Variants in ESRRG observed in about 807,000 individuals in gnomAD.
ESRRG encodes the protein estrogen-related receptor gamma.
ESRRG carries 13 observed loss-of-function variants against 44.0 expected under a neutral mutation model. The ratio of observed to expected loss-of-function variants is 0.30; its 90% CI spans 0.19 to 0.47. The LOEUF (loss-of-function observed/expected upper bound fraction) is 0.47, where lower values mean the gene tolerates loss of function less well. Among genes scored for constraint, ESRRG ranks in the 20% least tolerant of loss-of-function variants. The probability of loss-of-function intolerance (pLI) is 1.00; values close to 1 mark genes in which losing one functional copy is unlikely to be tolerated. For synonymous variants in ESRRG, 215 were observed against 214.6 expected (o/e 1.00, Z -0.02); for missense variants, 395 against 580.6 (o/e 0.68, Z 3.29).
At chr1:216,557,811 C>T (rs1356217766) in intron 5 of ESRRG, among the ~76,000 whole-genome samples, 1 of 152,148 alleles carries the variant, frequency 6.6e-6, no homozygotes, top group Non-Finnish European at 1.5e-5. Flanking sequence ...ATGTCATGCA[C>T]ATCTTTTAAA....
chr1:217,002,364 G>GAGATTATGC (rs2077157162), intron 1 of ESRRG, among the ~76,000 whole-genome samples: 1 of 150,456 alleles, frequency 6.6e-6, no homozygotes, highest in Non-Finnish European at 1.5e-5. Flanking sequence ...GAAAGAAACA[G>GAGATTATGC]AGATTATGCA....
intron 1 of ESRRG, among the ~76,000 whole-genome samples, chr1:217,070,615 A>G (rs2090433965): frequency 6.6e-6 from 1 of 152,180 alleles, no homozygotes; most frequent in Non-Finnish European, 1.5e-5. Context: ...CCCTGACCTC[A>G]GGTTATCCAC....
chr1:217,063,710 T>C (rs2225967), intron 1 of ESRRG, among the ~76,000 whole-genome samples: 102,194 of 152,070 alleles, frequency 0.67, 34,466 homozygotes, highest in East Asian at 0.78. Flanking sequence ...ACCCAGACAT[T>C]ATCAAACTCT....
intron 2 of ESRRG, among the ~76,000 whole-genome samples, chr1:216,655,452 T>A (rs1322700240): frequency 1.3e-5 from 2 of 152,164 alleles, no homozygotes; most frequent in African/African-American, 4.8e-5. Flanking sequence ...ATGCTTGAAC[T>A]ATGACATGAA....
At chr1:216,965,629 G>T (rs572350699) in intron 1 of ESRRG, among the ~76,000 whole-genome samples, 1 of 152,094 alleles carries the variant, frequency 6.6e-6, no homozygotes, top group Non-Finnish European at 1.5e-5. Context: ...TCCTCCCAGT[G>T]GCTGACTAGT....
At chr1:217,020,157 G>T (rs1487761974) in intron 1 of ESRRG, among the ~76,000 whole-genome samples, 1 of 152,104 alleles carries the variant, frequency 6.6e-6, no homozygotes, top group African/African-American at 2.4e-5. Context: ...AATAAATAAG[G>T]AGGCATGAAA....
chr1:216,548,604 A>G (rs542213548), intron 5 of ESRRG, among the ~76,000 whole-genome samples: 2 of 152,134 alleles, frequency 1.3e-5, no homozygotes, highest in African/African-American at 4.8e-5. Flanking sequence ...ATTACTCTAC[A>G]TTGTGCAAAT....
intron 2 of ESRRG, among the ~76,000 whole-genome samples, chr1:216,931,011 A>C (rs2063266803): frequency 6.6e-6 from 1 of 152,192 alleles, no homozygotes; most frequent in Non-Finnish European, 1.5e-5. Context: ...ATGGGAACTC[A>C]TGTGATTTTT....
At chr1:216,765,397 A>G (rs2093025254) in intron 2 of ESRRG, among the ~76,000 whole-genome samples, 1 of 152,160 alleles carries the variant, frequency 6.6e-6, no homozygotes, top group South Asian at 2.1e-4. Flanking sequence ...CAACAGCCTG[A>G]TAAGGCAGCC....
intron 3 of ESRRG, among the ~76,000 whole-genome samples, chr1:216,571,906 T>C (rs1358622507): frequency 6.6e-6 from 1 of 152,170 alleles, no homozygotes; most frequent in Non-Finnish European, 1.5e-5. Flanking sequence ...ACATGCAATA[T>C]TATACTCATC....
intron 1 of ESRRG, among the ~76,000 whole-genome samples, chr1:217,130,890 T>A (rs1381660962): frequency 8.4e-6 from 1 of 119,272 alleles, no homozygotes; most frequent in Non-Finnish European, 1.7e-5. Context: ...TGCCTTTTAT[T>A]GTCTTTTTTT....
intron 1 of ESRRG, among the ~76,000 whole-genome samples, chr1:216,711,256 T>A (rs947314122): frequency 6.6e-6 from 1 of 152,136 alleles, no homozygotes; most frequent in South Asian, 2.1e-4. Flanking sequence ...GATCATTTTA[T>A]TACAACTCCT....
chr1:216,882,349 C>T (rs1053103425), intron 2 of ESRRG, among the ~76,000 whole-genome samples: 15 of 152,144 alleles, frequency 9.9e-5, no homozygotes, highest in Non-Finnish European at 1.5e-4. Flanking sequence ...GGTGTAAATT[C>T]CTTGAGTGGA....
intron 1 of ESRRG, among the ~76,000 whole-genome samples, chr1:216,946,154 C>T (rs2066018203): frequency 6.6e-6 from 1 of 152,190 alleles, no homozygotes; most frequent in South Asian, 2.1e-4. Context: ...CTAACTAGAA[C>T]CAAGAAATCA....
intron 2 of ESRRG, among the ~76,000 whole-genome samples, chr1:216,794,284 A>T (rs558824298): frequency 6.6e-6 from 1 of 152,314 alleles, no homozygotes; most frequent in Admixed American, 6.5e-5. Context: ...TACACTCATT[A>T]TGAGTTGGGG....
intron 1 of ESRRG, among the ~76,000 whole-genome samples, chr1:216,999,159 C>A (rs966100985): frequency 6.6e-6 from 1 of 152,170 alleles, no homozygotes. Context: ...CCCCAATTAC[C>A]TGAATCTGTA....
chr1:217,033,423 C>T (rs12723476), intron 1 of ESRRG, among the ~76,000 whole-genome samples: 23,375 of 152,142 alleles, frequency 0.15, 2,346 homozygotes, highest in Non-Finnish European at 0.2. Flanking sequence ...GAAATTCTCC[C>T]TCCTAACTTC....
At chr1:216,765,532 A>G (rs1328304556) in intron 2 of ESRRG, among the ~76,000 whole-genome samples, 1 of 152,058 alleles carries the variant, frequency 6.6e-6, no homozygotes, top group Non-Finnish European at 1.5e-5. Context: ...TAGTTTATCA[A>G]GTTTATCAAG....
chr1:216,990,103 T>C (rs2150502269), intron 1 of ESRRG, among the ~76,000 whole-genome samples: 1 of 152,284 alleles, frequency 6.6e-6, no homozygotes, highest in Non-Finnish European at 1.5e-5. Context: ...CACAAAGGAA[T>C]GTCACCAGAA....
Sources: allele counts gnomAD v4.1 joint callset (sites outside exome capture counted in the v4.1 genomes callset), GRCh38; gene constraint gnomAD v4.1.1; transcripts MANE v1.5; gene names NCBI Gene and HGNC (gene_info 2026-07-23, HGNC 2026-07-21).